TBXAS1: variants seen among roughly 807,000 people sequenced by gnomAD.
The protein encoded by TBXAS1 is thromboxane A synthase 1.
TBXAS1 carries 48 observed loss-of-function variants against 60.7 expected under a neutral mutation model. The ratio of observed to expected loss-of-function variants is 0.79; its 90% CI spans 0.63 to 1.01. TBXAS1 has a LOEUF of 1.01. Among genes scored for constraint, TBXAS1 ranks in the 50% least tolerant of loss-of-function variants. TBXAS1 has a pLI of 0.00. For missense variants in TBXAS1, 685 were observed against 686.3 expected (o/e 1.00, Z 0.02); for synonymous variants, 287 against 269.7 (o/e 1.06, Z -0.63).
rs146471626 is a variant in TBXAS1, at chr7:139,860,443, G to A, written c.90-11792G>A. Among the ~76,000 whole-genome samples, 9 of 152,284 alleles carry A rather than the reference G, an allele frequency of 5.9e-5. No homozygotes were observed. In the East Asian group the frequency reaches 9.6e-4, roughly 16 times the overall value. ...CTGAATATTGGCCCCCTAAAATGTC[G>A]ATGTCCTAGCCTCTGGAACTTGTGA... is the stretch of plus-strand genomic sequence containing the variant. On this transcript the variant is annotated intron_variant, in intron 1 of 12. Transcript: ENST00000448866.
intron 4 of TBXAS1, among the ~76,000 whole-genome samples, chr7:139,803,058 G>A (rs913568309): frequency 6.6e-6 from 1 of 152,232 alleles, no homozygotes; most frequent in African/African-American, 2.4e-5. Context: ...GGGTACTGCT[G>A]TAAATATACC....
chr7:139,923,343 G>A (rs943031226), intron 4 of TBXAS1, among the ~76,000 whole-genome samples: 3 of 151,984 alleles, frequency 2.0e-5, no homozygotes, highest in South Asian at 2.1e-4. Context: ...AGAGAGAGAC[G>A]CAAGAGAGAG....
At chr7:139,901,326 C>A (rs980180151) in intron 3 of TBXAS1, among the ~76,000 whole-genome samples, 404 of 122,654 alleles carry the variant, frequency 3.3e-3, no homozygotes, top group Non-Finnish European at 3.3e-3. Context: ...AATATTACTA[C>A]AAAAAAAAAA....
At chr7:139,812,929 T>G (rs536373878) in intron 4 of TBXAS1, among the ~76,000 whole-genome samples, 4 of 151,848 alleles carry the variant, frequency 2.6e-5, no homozygotes, top group Non-Finnish European at 2.9e-5. Flanking sequence ...TGGTGGTGGG[T>G]GCCTGTAATC....
At chr7:139,848,548 T>C (rs1799983008) in intron 1 of TBXAS1, among the ~76,000 whole-genome samples, 1 of 152,210 alleles carries the variant, frequency 6.6e-6, no homozygotes, top group African/African-American at 2.4e-5. Context: ...CTGGAGTAGC[T>C]CTGTTCCAGT....
At chr7:139,808,828 G>T (rs1306792740) in intron 4 of TBXAS1, among the ~76,000 whole-genome samples, 1 of 152,084 alleles carries the variant, frequency 6.6e-6, no homozygotes, top group Non-Finnish European at 1.5e-5. Flanking sequence ...CCAGTATAGT[G>T]CCTGGAACAT....
chr7:139,992,271 G>A (rs1417020442), intron 9 of TBXAS1, among the ~76,000 whole-genome samples: 1 of 152,200 alleles, frequency 6.6e-6, no homozygotes. Context: ...ATAAGAAATT[G>A]GCTATCAAGG....
At chr7:139,848,807 G>A (rs893792035) in intron 1 of TBXAS1, among the ~76,000 whole-genome samples, 3 of 152,168 alleles carry the variant, frequency 2.0e-5, no homozygotes, top group Non-Finnish European at 4.4e-5. Flanking sequence ...CACTGTAGCG[G>A]GAGGCACTGC....
intron 4 of TBXAS1, among the ~76,000 whole-genome samples, chr7:139,813,597 G>A (rs903049219): frequency 2.0e-5 from 3 of 152,124 alleles, no homozygotes; most frequent in Admixed American, 2.0e-4. Context: ...ACCTGTTCTC[G>A]GACCTTTGGT....
chr7:139,957,899 T>C, intron 8 of TBXAS1, 135 bp downstream of exon 8: 2 of 1,299,330 alleles, frequency 1.5e-6, no homozygotes, highest in Non-Finnish European at 2.2e-6. Flanking sequence ...CACTTACAGC[T>C]TCCAGGGACA....
At chr7:139,919,176 A>C (rs376462689) in intron 4 of TBXAS1, among the ~76,000 whole-genome samples, 1 of 152,156 alleles carries the variant, frequency 6.6e-6, no homozygotes, top group Non-Finnish European at 1.5e-5. Context: ...TAATATAATG[A>C]GGGGACAGTG....
Position 139,831,320 on chromosome 7 carries a change from G to A in TBXAS1, c.89+1841G>A, listed in dbSNP as rs78458908. Among the ~76,000 whole-genome samples, 801 of 152,244 alleles carry A rather than the reference G, an allele frequency of 5.3e-3. 7 individuals carry two copies. Among genetic ancestry groups the A allele is most frequent in the Non-Finnish European group, 9.0e-3 (609 of 68,018 alleles). ...TCCATCCCTTGATTCAGTGCAAGGGGAACCACCCTTGGGCTTTCAACCCTT... is the reference window on the plus strand; with the variant it reads ...TCCATCCCTTGATTCAGTGCAAGGGAAACCACCCTTGGGCTTTCAACCCTT... On this transcript the variant is annotated intron_variant, in intron 1 of 12. Coordinates refer to ENST00000448866, the MANE Select transcript of TBXAS1 (RefSeq NM_001061.7).
intron 9 of TBXAS1, among the ~76,000 whole-genome samples, chr7:140,001,126 G>C (rs1213215453): frequency 1.3e-5 from 2 of 152,212 alleles, no homozygotes; most frequent in Admixed American, 1.3e-4. Context: ...CGCTGCAGGG[G>C]GGGCTTCCTC....
intron 12 of TBXAS1, among the ~76,000 whole-genome samples, chr7:140,019,026 C>T (rs570872024): frequency 1.9e-3 from 289 of 152,330 alleles, no homozygotes; most frequent in Non-Finnish European, 3.5e-3. Context: ...TCATGCTTGT[C>T]CTGCCACCCG....
intron 3 of TBXAS1, among the ~76,000 whole-genome samples, chr7:139,877,027 A>T (rs748404165): frequency 3.9e-5 from 6 of 152,336 alleles, no homozygotes; most frequent in African/African-American, 1.4e-4. Flanking sequence ...GTGCAAGAAC[A>T]TTATACATTT....
intron 4 of TBXAS1, among the ~76,000 whole-genome samples, chr7:139,932,881 A>G (rs1209807538): frequency 6.6e-6 from 1 of 152,102 alleles, no homozygotes; most frequent in African/African-American, 2.4e-5. Context: ...ACATAGTGAG[A>G]CACCATCTCT....
At chr7:139,848,478 A>G (rs1013201051) in intron 1 of TBXAS1, among the ~76,000 whole-genome samples, 3 of 152,314 alleles carry the variant, frequency 2.0e-5, no homozygotes, top group African/African-American at 7.2e-5. Context: ...CTGTGTAACA[A>G]ACCACCCCAA....
chr7:139,811,182 G>C (rs1190578224), intron 4 of TBXAS1, among the ~76,000 whole-genome samples: 1 of 152,198 alleles, frequency 6.6e-6, no homozygotes, highest in African/African-American at 2.4e-5. Flanking sequence ...CTTCCACAGG[G>C]AAACATTATT....
intron 5 of TBXAS1, among the ~76,000 whole-genome samples, chr7:139,951,898 G>A (rs865931013): frequency 0.052 from 1,182 of 22,792 alleles, 150 homozygotes; most frequent in African/African-American, 0.15. Context: ...AAGGAAGGAA[G>A]GAAAGAAAGA....
Sources: gnomAD v4.1 joint callset for allele counts (sites outside exome capture counted in the v4.1 genomes callset) on GRCh38, gnomAD v4.1.1 for gene constraint, MANE v1.5 for transcripts, NCBI Gene and HGNC (gene_info 2026-07-23, HGNC 2026-07-21) for gene names.